The following FGF14 variants were observed in gnomAD, a reference collection of about 807,000 sequenced individuals.
The protein encoded by FGF14 is fibroblast growth factor 14, also known as fibroblast growth factor homologous factor 4.
In FGF14, 5 loss-of-function variants were observed where a neutral mutation model predicts 25.5. That is an observed-to-expected ratio of 0.20 (90% CI 0.10 to 0.41). The LOEUF (loss-of-function observed/expected upper bound fraction) is 0.41. FGF14 is among the 10% of genes least tolerant of loss of function. The pLI is 1.00. For synonymous variants in FGF14, 138 were observed against 118.3 expected (o/e 1.17, Z -1.08); for missense variants, 222 against 320.1 (o/e 0.69, Z 2.34).
At chr13:101,910,081 G>C (rs902560058) in intron 1 of FGF14, among the ~76,000 whole-genome samples, 3 of 151,178 alleles carry the variant, frequency 2.0e-5, no homozygotes, top group African/African-American at 7.3e-5. Context: ...CATCACACAC[G>C]AGGGCCTGTT....
At position 102,193,626 on chromosome 13, in the gene FGF14, G is replaced by A. The variant is rs938160517; in HGVS notation, c.208+207845C>T. 2.0e-5 allele frequency among the ~76,000 whole-genome samples: 3 copies of A among 152,222 alleles called. No homozygotes were observed. In the East Asian group the frequency reaches 5.8e-4, roughly 29 times the overall value. ...TCAGGAAAGACTGGGAGAGTTGCTC[G>A]TTCAAGATACTAAGGAAATGCATGT... On this transcript the variant is annotated intron_variant, in intron 1 of 4. Transcript: ENST00000376131.
chr13:101,724,625 TATATATAA>T lies in FGF14; in HGVS notation c.608-1666_608-1659del, dbSNP rs1251284871. On this transcript the variant is annotated intron_variant, in intron 4 of 4. Transcript: ENST00000376143. Reference sequence around the variant, plus strand: ...ATATATATATATATATATATATATATATATATAAAACAAAGATATGAATGCCCTAGAGT... The same window carrying T: ...ATATATATATATATATATATATATATAACAAAGATATGAATGCCCTAGAGT... Among the ~76,000 whole-genome samples, 41 of 104,600 alleles carry T rather than the reference TATATATAA, an allele frequency of 3.9e-4. No individual in the cohort carries two copies. In the Admixed American group the frequency reaches 4.2e-3, roughly 11 times the overall value. The allele number at this position is 104,600 out of a possible 152,430, so 68.6% of individuals were successfully genotyped here. A position where few individuals can be genotyped will look rare whatever the true frequency, so the allele number is the denominator to read the frequency against.
intron 1 of FGF14, among the ~76,000 whole-genome samples, chr13:102,375,605 G>T (rs2058021703): frequency 6.6e-6 from 1 of 152,142 alleles, no homozygotes; most frequent in Admixed American, 6.6e-5. Flanking sequence ...CTGCTTATAT[G>T]GGAGGCTACA....
At chr13:101,835,059 T>C (rs926392593) in intron 3 of FGF14, among the ~76,000 whole-genome samples, 3 of 152,114 alleles carry the variant, frequency 2.0e-5, no homozygotes, top group African/African-American at 4.8e-5. Flanking sequence ...TGACAAAGGA[T>C]AGCACTGCAT....
intron 1 of FGF14, among the ~76,000 whole-genome samples, chr13:102,005,624 A>G (rs2039743478): frequency 6.6e-6 from 1 of 152,248 alleles, no homozygotes; most frequent in South Asian, 2.1e-4. Context: ...AAAGGACATT[A>G]GATGACACGT....
At chr13:101,994,331 A>C (rs1164318537) in intron 1 of FGF14, among the ~76,000 whole-genome samples, 1 of 152,016 alleles carries the variant, frequency 6.6e-6, no homozygotes, top group East Asian at 1.9e-4. Flanking sequence ...GTATATACCT[A>C]TTTTATTTGT....
At chr13:101,758,095 T>C (rs1022750795) in intron 3 of FGF14, among the ~76,000 whole-genome samples, 3 of 152,242 alleles carry the variant, frequency 2.0e-5, no homozygotes, top group African/African-American at 7.2e-5. Context: ...AAGAGCAGTG[T>C]TTGTAAATTA....
intron 3 of FGF14, among the ~76,000 whole-genome samples, chr13:101,840,074 C>G (rs1298772598): frequency 6.6e-6 from 1 of 151,888 alleles, no homozygotes; most frequent in Non-Finnish European, 1.5e-5. Flanking sequence ...CTCTTCTTGG[C>G]AAATGAGAAA....
rs530179269 is a variant in FGF14, at chr13:101,951,481, T to TTTTA, written c.209-76186_209-76185insTAAA. Among the ~76,000 whole-genome samples, 68 of 152,274 alleles carry TTTTA rather than the reference T, an allele frequency of 4.5e-4. 1 individual carries two copies. Among genetic ancestry groups the TTTTA allele is most frequent in the African/African-American group, 1.5e-3 (64 of 41,564 alleles). ...ATTTTATTAAGAAGCAAGTCATTGA[T>TTTTA]TATATTAAATAGATTCTAGAAGTTT... On this transcript the variant is annotated intron_variant, in intron 1 of 4. Coordinates refer to the FGF14 transcript ENST00000376131.
At chr13:102,383,128 A>T (rs1441137278) in intron 1 of FGF14, among the ~76,000 whole-genome samples, 1 of 152,162 alleles carries the variant, frequency 6.6e-6, no homozygotes, top group Admixed American at 6.5e-5. Flanking sequence ...TAAAGCTGTT[A>T]CAAAAGTGAG....
At chr13:101,800,904 C>T (rs2040834382) in intron 3 of FGF14, among the ~76,000 whole-genome samples, 1 of 152,090 alleles carries the variant, frequency 6.6e-6, no homozygotes, top group Admixed American at 6.6e-5. Context: ...TCAGGCCATC[C>T]TGAACCTTCA....
At chr13:101,991,878 G>A (rs2038928564) in intron 1 of FGF14, among the ~76,000 whole-genome samples, 1 of 152,072 alleles carries the variant, frequency 6.6e-6, no homozygotes, top group South Asian at 2.1e-4. Context: ...ATCCCCTCAT[G>A]TTTCCTTCAC....
intron 1 of FGF14, among the ~76,000 whole-genome samples, chr13:101,965,649 G>A (rs1033261483): frequency 1.3e-5 from 2 of 149,192 alleles, no homozygotes; most frequent in African/African-American, 2.5e-5. Context: ...GGATGAATGT[G>A]AGATCCTAAA....
At chr13:102,041,123 AT>A (rs2041712366) in intron 1 of FGF14, among the ~76,000 whole-genome samples, 1 of 151,938 alleles carries the variant, frequency 6.6e-6, no homozygotes, top group South Asian at 2.1e-4. Flanking sequence ...TGTTGTACCT[AT>A]TTGCCAATCT....
At chr13:102,049,035 A>G (rs959299396) in intron 1 of FGF14, among the ~76,000 whole-genome samples, 19 of 152,290 alleles carry the variant, frequency 1.2e-4, no homozygotes, top group Non-Finnish European at 2.8e-4. Flanking sequence ...GATACGAAAT[A>G]AAAAACTAAG....
intron 1 of FGF14, among the ~76,000 whole-genome samples, chr13:102,196,270 A>C (rs1324235530): frequency 1.3e-5 from 2 of 152,222 alleles, no homozygotes; most frequent in East Asian, 3.8e-4. Context: ...TAAGTGCCCT[A>C]GTCTTGTGGC....
intron 1 of FGF14, among the ~76,000 whole-genome samples, chr13:102,021,395 T>C (rs2040644429): frequency 6.6e-6 from 1 of 151,908 alleles, no homozygotes; most frequent in African/African-American, 2.4e-5. Flanking sequence ...TATCGTGAAC[T>C]CCTCACTCCC....
chr13:101,855,833 T>C lies in FGF14; in HGVS notation c.408+12892A>G, dbSNP rs1306460731. ...TGCTGACATGGTTTTCTTTTTATGG[T>C]TGTTGTTGTTATTGCATGGATGATG... On this transcript the variant is annotated intron_variant, in intron 3 of 4. Coordinates refer to ENST00000376143, the MANE Select transcript of FGF14 (RefSeq NM_004115.4). Among the ~76,000 whole-genome samples, 4 of 151,846 alleles carry C rather than the reference T, an allele frequency of 2.6e-5. No individual in the cohort carries two copies. In the South Asian group the frequency reaches 6.2e-4, roughly 24 times the overall value.
intron 3 of FGF14, among the ~76,000 whole-genome samples, chr13:101,736,194 ATGTG>A (rs1228188521): frequency 1.3e-5 from 2 of 152,160 alleles, no homozygotes; most frequent in Non-Finnish European, 2.9e-5. Context: ...ATATATATGT[ATGTG>A]TATTGTTATG....
Sources: gnomAD v4.1 joint callset for allele counts (sites outside exome capture counted in the v4.1 genomes callset) on GRCh38, gnomAD v4.1.1 for gene constraint, MANE v1.5 for transcripts, NCBI Gene and HGNC (gene_info 2026-07-23, HGNC 2026-07-21) for gene names.